TMEM132B: variants seen among roughly 807,000 people sequenced by gnomAD.
TMEM132B encodes transmembrane protein 132B.
A neutral mutation model predicts 90.8 loss-of-function variants in TMEM132B; 18 were observed. The observed-to-expected ratio is 0.20, with a 90% CI of 0.14 to 0.29. The LOEUF (loss-of-function observed/expected upper bound fraction) is 0.29. Among genes scored for constraint, TMEM132B ranks in the 10% least tolerant of loss-of-function variants. TMEM132B has a pLI of 1.00. For missense variants in TMEM132B, 1,096 were observed against 1,326.8 expected (o/e 0.83, Z 2.70); for synonymous variants, 504 against 523.3 (o/e 0.96, Z 0.50).
intron 1 of TMEM132B, among the ~76,000 whole-genome samples, chr12:125,297,970 A>G (rs1473683622): frequency 1.3e-5 from 2 of 152,180 alleles, no homozygotes; most frequent in Admixed American, 1.3e-4. Flanking sequence ...AAATACCTTT[A>G]GGCTTGGCAT....
intron 4 of TMEM132B, among the ~76,000 whole-genome samples, chr12:125,534,948 C>A (rs1425590850): frequency 1.3e-5 from 2 of 152,202 alleles, no homozygotes; most frequent in African/African-American, 2.4e-5. Context: ...TCTGGCAGCA[C>A]AGATATAGAA....
chr12:125,220,780 G>A (rs1873539591), intron 1 of TMEM132B, among the ~76,000 whole-genome samples: 2 of 152,180 alleles, frequency 1.3e-5, no homozygotes, highest in African/African-American at 4.8e-5. Context: ...CTCTTAAGCT[G>A]CTAAATCAGT....
At chr12:125,324,036 C>A (rs565005800) in intron 1 of TMEM132B, among the ~76,000 whole-genome samples, 2 of 152,206 alleles carry the variant, frequency 1.3e-5, no homozygotes, top group African/African-American at 2.4e-5. Flanking sequence ...CACATACACA[C>A]ACACAACGGG....
At chr12:125,485,665 A>G (rs2136541298) in intron 3 of TMEM132B, among the ~76,000 whole-genome samples, 1 of 152,238 alleles carries the variant, frequency 6.6e-6, no homozygotes, top group South Asian at 2.1e-4. Flanking sequence ...GAGCTCTTTG[A>G]AGTTACTGTA....
chr12:125,617,829 T>G (rs376999539), intron 5 of TMEM132B, among the ~76,000 whole-genome samples: 2 of 152,110 alleles, frequency 1.3e-5, no homozygotes, highest in African/African-American at 4.8e-5. Context: ...GTTTGAGGCG[T>G]CTCTGAGGTT....
At chr12:125,590,845 T>G (rs916567469) in intron 5 of TMEM132B, among the ~76,000 whole-genome samples, 1 of 152,170 alleles carries the variant, frequency 6.6e-6, no homozygotes, top group Non-Finnish European at 1.5e-5. Context: ...TATTCGAAGT[T>G]TATACATGAG....
intron 3 of TMEM132B, among the ~76,000 whole-genome samples, chr12:125,515,616 T>C (rs564147872): frequency 1.5e-4 from 23 of 149,468 alleles, no homozygotes; most frequent in Non-Finnish European, 3.1e-4. Context: ...CAACACATAT[T>C]CACACATTTA....
intron 1 of TMEM132B, among the ~76,000 whole-genome samples, chr12:125,260,705 A>G (rs1482810978): frequency 6.6e-6 from 1 of 152,150 alleles, no homozygotes. Flanking sequence ...GTCCTAAGGT[A>G]TAAGTATTAC....
intron 3 of TMEM132B, among the ~76,000 whole-genome samples, chr12:125,446,489 A>G (rs1881008865): frequency 6.6e-6 from 1 of 152,226 alleles, no homozygotes; most frequent in Admixed American, 6.5e-5. Flanking sequence ...TAGAAAAAAA[A>G]GTTGGATTTG....
At chr12:125,513,085 C>T (rs1005658783) in intron 3 of TMEM132B, among the ~76,000 whole-genome samples, 1 of 152,222 alleles carries the variant, frequency 6.6e-6, no homozygotes, top group Non-Finnish European at 1.5e-5. Flanking sequence ...AGCCCAGCCT[C>T]CCCGGGAGCC....
chr12:125,362,021 C>A (rs2136251906), intron 2 of TMEM132B, among the ~76,000 whole-genome samples: 1 of 152,300 alleles, frequency 6.6e-6, no homozygotes, highest in South Asian at 2.1e-4. Context: ...TTAGCCCCTG[C>A]AGTCATGCTA....
intron 3 of TMEM132B, among the ~76,000 whole-genome samples, chr12:125,493,820 T>G (rs1156471688): frequency 6.7e-6 from 1 of 150,322 alleles, no homozygotes; most frequent in Non-Finnish European, 1.5e-5. Flanking sequence ...CTCTCCGTCC[T>G]CCCTGGAAAT....
intron 1 of TMEM132B, among the ~76,000 whole-genome samples, chr12:125,294,607 C>T (rs1037634098): frequency 1.3e-5 from 2 of 152,220 alleles, no homozygotes; most frequent in African/African-American, 2.4e-5. Flanking sequence ...ATATCAACTA[C>T]GAATCTTCCC....
chr12:125,514,215 C>T (rs1883050256), intron 3 of TMEM132B, among the ~76,000 whole-genome samples: 3 of 152,204 alleles, frequency 2.0e-5, no homozygotes, highest in Admixed American at 6.5e-5. Context: ...CCACCCCCAA[C>T]GAGTTTTACA....
chr12:125,592,966 C>T (rs1311774727), intron 5 of TMEM132B, among the ~76,000 whole-genome samples: 3 of 152,082 alleles, frequency 2.0e-5, no homozygotes, highest in African/African-American at 4.8e-5. Context: ...AAGACTAATC[C>T]GAATTTTACT....
chr12:125,203,834 G>A (rs928107604), intron 1 of TMEM132B, among the ~76,000 whole-genome samples: 1 of 152,196 alleles, frequency 6.6e-6, no homozygotes, highest in Admixed American at 6.5e-5. Flanking sequence ...GCATGCTGTA[G>A]CCATATCTGC....
chr12:125,392,935 C>T (rs1879067845), intron 2 of TMEM132B, among the ~76,000 whole-genome samples: 2 of 152,134 alleles, frequency 1.3e-5, no homozygotes, highest in African/African-American at 4.8e-5. Flanking sequence ...CAGACTGAGC[C>T]CTGGGGGCCC....
chr12:125,436,750 GT>G (rs1880717291), intron 3 of TMEM132B, among the ~76,000 whole-genome samples: 4 of 152,156 alleles, frequency 2.6e-5, no homozygotes. Context: ...GTGGTACTTT[GT>G]TACGGCAGCC....
At chr12:125,625,476 G>A (rs934316858) in intron 5 of TMEM132B, among the ~76,000 whole-genome samples, 1 of 152,160 alleles carries the variant, frequency 6.6e-6, no homozygotes, top group Non-Finnish European at 1.5e-5. Context: ...AAGTTCATCT[G>A]TGTTATTGTG....
Sources: gnomAD v4.1 joint callset for allele counts (sites outside exome capture counted in the v4.1 genomes callset) on GRCh38, gnomAD v4.1.1 for gene constraint, MANE v1.5 for transcripts, NCBI Gene and HGNC (gene_info 2026-07-23, HGNC 2026-07-21) for gene names.